Variants in GSG1 observed in about 807,000 individuals in gnomAD.
GSG1 encodes germ cell associated 1.
GSG1 carries 28 observed loss-of-function variants against 30.8 expected under a neutral mutation model. The ratio of observed to expected loss-of-function variants is 0.91; its 90% confidence interval spans 0.67 to 1.25. GSG1 has a LOEUF of 1.25. Ranked by LOEUF, GSG1 falls within the 50% of genes most tolerant of loss-of-function variation. The pLI is 0.00. For missense variants in GSG1, 435 were observed against 444.7 expected, an observed-to-expected ratio of 0.98 and a Z score of 0.20; for synonymous variants, 162 against 178.0, an observed-to-expected ratio of 0.91 and a Z score of 0.71.
At position 13,093,783 on chromosome 12, in the gene GSG1, A is replaced by C. The variant is rs1023523392; in HGVS notation, c.49-2965T>G. Among the ~76,000 whole-genome samples, 9 of 152,208 alleles carry C rather than the reference A, an allele frequency of 5.9e-5. No homozygotes were observed. The highest frequency in any genetic ancestry group is 4.6e-4 in the Admixed American group (7 of 15,288). On this transcript the variant is annotated intron_variant, in intron 1 of 6. Coordinates refer to ENST00000651961, the MANE Select transcript of GSG1 (RefSeq NM_001080555.4). This position sits in a 1 kb window ranked among gnomAD's most constrained non-coding sequence, Gnocchi z 4.6. ...ATAGGGGAGGCTGCCGAAAGAACTGAGGCCCCAGATGGCTCTGGCAGGAGC... is the reference window on the plus strand; with the variant it reads ...ATAGGGGAGGCTGCCGAAAGAACTGCGGCCCCAGATGGCTCTGGCAGGAGC...
chr12:13,088,815 G>A (rs759604142), intron 4 of GSG1, 47 bp downstream of exon 4: 1 of 1,614,076 alleles, frequency 6.2e-7, no homozygotes, highest in Non-Finnish European at 8.5e-7. Flanking sequence ...GGAGAGTGGG[G>A]TGACATGGGC....
chr12:13,092,411 C>G (rs1866240752), intron 1 of GSG1, among the ~76,000 whole-genome samples: 1 of 152,130 alleles, frequency 6.6e-6, no homozygotes, highest in Non-Finnish European at 1.5e-5. Context: ...ACATTTGATA[C>G]CACTGCTGGC....
Position 13,102,680 on chromosome 12 carries a change from C to T in GSG1, c.48+785G>A, listed in dbSNP as rs538682416. Among the ~76,000 whole-genome samples, 5 of 152,228 alleles carry T rather than the reference C, an allele frequency of 3.3e-5. No homozygotes were observed. The East Asian group carries it at 5.8e-4, about 18-fold the overall frequency. ...TGCTCCCTGTGTTGGAGTGTATGTA[C>T]GTGTGTGTGTGTTTGTGTATGTGCT... On this transcript the variant is annotated intron_variant, in intron 1 of 6. Coordinates refer to ENST00000651961, the MANE Select transcript of GSG1 (RefSeq NM_001080555.4).
At chr12:13,095,821 G>A in intron 1 of GSG1, 2 of 1,466,146 alleles carry the variant, frequency 1.4e-6, no homozygotes, top group Admixed American at 2.2e-5. Flanking sequence ...AGGCAATCAG[G>A]GCCCAGCTGT....
chr12:13,096,473 CAAAAAAAA>C (rs775026265), intron 1 of GSG1, among the ~76,000 whole-genome samples: 3 of 74,124 alleles, frequency 4.0e-5, no homozygotes, highest in African/African-American at 5.5e-5. Flanking sequence ...GACTCTGTCT[CAAAAAAAA>C]AAAAAAAAAA....
chr12:13,096,276 A>G (rs1183391541), intron 1 of GSG1, among the ~76,000 whole-genome samples: 2 of 151,950 alleles, frequency 1.3e-5, no homozygotes, highest in Non-Finnish European at 2.9e-5. Context: ...GATTGAGACC[A>G]TCCTGGCTAA....
At chr12:13,097,451 C>T (rs1866749012) in intron 1 of GSG1, among the ~76,000 whole-genome samples, 1 of 152,072 alleles carries the variant, frequency 6.6e-6, no homozygotes, top group African/African-American at 2.4e-5. Flanking sequence ...TCAAGCAATC[C>T]TCCCACCTTG....
chr12:13,099,357 C>T (rs899160275), intron 1 of GSG1, among the ~76,000 whole-genome samples: 15 of 152,144 alleles, frequency 9.9e-5, no homozygotes, highest in Admixed American at 2.0e-4. Context: ...AGCACAGACA[C>T]GAAGATTCCA....
chr12:13,087,812 G>T, intron 5 of GSG1, 95 bp downstream of exon 5: 1 of 1,307,902 alleles, frequency 7.6e-7, no homozygotes, highest in Non-Finnish European at 1.0e-6. Context: ...GAGCCTTTGG[G>T]CTCCTCCCCT....
chr12:13,086,226 C>T (rs1865506218), intron 6 of GSG1, among the ~76,000 whole-genome samples: 1 of 152,174 alleles, frequency 6.6e-6, no homozygotes, highest in African/African-American at 2.4e-5. Flanking sequence ...GCCGTTAATG[C>T]CAAGAATGGC....
rs886488517 is a variant in GSG1, at chr12:13,085,303, T to G, written c.747-60A>C. On this transcript the variant is annotated intron_variant, in intron 6 of 6. Transcript: ENST00000651961. ...GAATAGGACTTTCTTGAGAGAAAAA[T>G]GCCATGACCTCTTCCTACTAGTGGA... 10 of 1,466,396 alleles carry G rather than the reference T, an allele frequency of 6.8e-6. No individual in the cohort carries two copies. In the Admixed American group the frequency reaches 2.1e-4, roughly 31 times the overall value. 90.8% of individuals were successfully genotyped at this position (1,466,396 alleles called of 1,614,324 possible). A position where few individuals can be genotyped will look rare whatever the true frequency, so the allele number is the denominator to read the frequency against.
At position 13,083,966 on chromosome 12, in the gene GSG1, G is replaced by A. The variant is rs887519338; in HGVS notation, c.*935C>T. On this transcript the variant is annotated 3_prime_UTR_variant, in exon 7 of 7. Coordinates refer to ENST00000651961, the MANE Select transcript of GSG1 (RefSeq NM_001080555.4). ...ACATTTGGGTTGGTTCCAAGTCTTT[G>A]CTATTATAAATAGTGCCGTAATAAA... The A allele has an allele frequency of 6.6e-6, 1 of 151,962 alleles. No individual in the cohort carries two copies. Among genetic ancestry groups the A allele is most frequent in the African/African-American group, 2.4e-5 (1 of 41,322 alleles). 9.4% of individuals were successfully genotyped at this position (151,962 alleles called of 1,614,324 possible). A position where few individuals can be genotyped will look rare whatever the true frequency, so the allele number is the denominator to read the frequency against.
intron 1 of GSG1, among the ~76,000 whole-genome samples, chr12:13,094,957 G>A (rs547258092): frequency 5.5e-4 from 84 of 152,236 alleles, no homozygotes; most frequent in Non-Finnish European, 1.1e-3. Flanking sequence ...CCACTTTGTG[G>A]CACCAAGGTG....
rs139345030 is a variant in GSG1 at position 13,103,377 on chromosome 12, T to G, written c.48+88A>C. On this transcript the variant is annotated intron_variant, in intron 1 of 6. Transcript: ENST00000651961. ...TGTGACCATGTGAAATACATGAAAT[T>G]GATGAGTTAGTGTAACCTGTGTTAC... is the stretch of plus-strand genomic sequence containing the variant. 173 of 949,780 alleles carry G rather than the reference T, an allele frequency of 1.8e-4. No individual in the cohort carries two copies. In the African/African-American group the frequency reaches 2.3e-3, roughly 13 times the overall value. 58.8% of individuals were successfully genotyped at this position (949,780 alleles called of 1,614,324 possible).
At chr12:13,102,422 C>T (rs148841914) in intron 1 of GSG1, among the ~76,000 whole-genome samples, 130 of 152,318 alleles carry the variant, frequency 8.5e-4, no homozygotes, top group African/African-American at 3.1e-3. Flanking sequence ...TGATAAAGAA[C>T]AATAATAAAA....
In GSG1 at chr12:13,084,351, T is replaced by C. The variant is rs1013258645; in HGVS notation, c.*550A>G. The C allele has an allele frequency of 2.0e-5, 3 of 152,642 alleles. No homozygotes were observed. Among genetic ancestry groups the C allele is most frequent in the African/African-American group, 7.2e-5 (3 of 41,410 alleles). 9.5% of individuals were successfully genotyped at this position (152,642 alleles called of 1,614,324 possible). ...TCTCCTAAGGGCTCCTGGGACAATA[T>C]TTAATAACACTTTTACTGGGTACCT... On this transcript the variant is annotated 3_prime_UTR_variant, in exon 7 of 7. Coordinates refer to ENST00000651961, the MANE Select transcript of GSG1 (RefSeq NM_001080555.4).
chr12:13,089,298 ATAAATG>A, intron 2 of GSG1, 22 bp from the exon 3 acceptor site: 1 of 1,550,778 alleles, frequency 6.4e-7, no homozygotes. Context: ...AATAATAAAT[ATAAATG>A]TAAATACACA....
chr12:13,098,456 A>ATTTTTTTTTTTTTTTTTTTT (rs771887535), intron 1 of GSG1, among the ~76,000 whole-genome samples: 1 of 47,384 alleles, frequency 2.1e-5, no homozygotes, highest in African/African-American at 8.4e-5. Context: ...CATGTAGCCC[A>ATTTTTTTTTTTTTTTTTTTT]TTTTTTTTTT....
chr12:13,102,276 A>G (rs1035816316), intron 1 of GSG1, among the ~76,000 whole-genome samples: 3 of 152,198 alleles, frequency 2.0e-5, no homozygotes, highest in African/African-American at 7.2e-5. Context: ...CTTTAACAAA[A>G]TGTACAGATT....
Sources: allele counts gnomAD v4.1 joint callset (sites outside exome capture counted in the v4.1 genomes callset), GRCh38; gene constraint gnomAD v4.1.1; non-coding constraint Gnocchi (gnomAD v3.1); transcripts MANE v1.5; gene names NCBI Gene and HGNC (gene_info 2026-07-23, HGNC 2026-07-21).